Variants in VAMP7 observed in about 807,000 individuals in gnomAD.
VAMP7 encodes vesicle-associated membrane protein 7.
In VAMP7, 14 loss-of-function variants were observed where a neutral mutation model predicts 29.6. The ratio of observed to expected loss-of-function variants is 0.47; its 90% CI spans 0.31 to 0.74. The LOEUF is 0.74. VAMP7 is among the 30% of genes least tolerant of loss of function. The pLI is 0.05. For synonymous variants in VAMP7, 95 were observed against 88.1 expected (o/e 1.08, Z -0.44); for missense variants, 223 against 262.4 (o/e 0.85, Z 1.04).
At chrX:155,919,733 G>C (rs2066367933) in intron 5 of VAMP7, 80 bp from the exon 6 acceptor site, 2 of 1,264,516 alleles carry the variant, frequency 1.6e-6, no homozygotes, top group Non-Finnish European at 1.1e-6. Context: ...TATTCATTAA[G>C]TTATATTACT....
intron 6 of VAMP7, among the ~76,000 whole-genome samples, chrX:155,933,169 T>C (rs763641741): frequency 1.3e-5 from 2 of 152,312 alleles, no homozygotes; most frequent in African/African-American, 4.8e-5. Flanking sequence ...ATTCTCTTTT[T>C]GTGTTGTGTC....
rs11547143 is a variant in VAMP7 at position 155,943,318 on chromosome X, T to C, written c.*1367T>C. On this transcript the variant is annotated 3_prime_UTR_variant, in exon 8 of 8. Coordinates refer to ENST00000286448, the MANE Select transcript of VAMP7 (RefSeq NM_005638.6). ...AGCCTAGTCATGTGCCTTGAACATA[T>C]ATGTGTCCCATAATCTGGCTCATGG... The C allele has an allele frequency of 0.018, 2,761 of 152,346 alleles. 22 individuals are homozygous for C. Among genetic ancestry groups the C allele is most frequent in the Middle Eastern group, 0.037 (11 of 294 alleles). The allele number at this position is 152,346 out of a possible 1,614,324, so 9.4% of individuals were successfully genotyped here.
At chrX:155,940,285 C>G (rs1351579607) in intron 7 of VAMP7, among the ~76,000 whole-genome samples, 1 of 152,058 alleles carries the variant, frequency 6.6e-6, no homozygotes, top group Non-Finnish European at 1.5e-5. Flanking sequence ...TGTTCATGGT[C>G]AGATAAAGTT....
Position 155,943,057 on chromosome X carries a change from CA to C in VAMP7, c.*1110del, listed in dbSNP as rs1489263339. ...GACAGTATGACATATAGAATTAATACAAAACAGTTTAACAACCATTTAACTG... is the reference window on the plus strand; with the variant it reads ...GACAGTATGACATATAGAATTAATACAAACAGTTTAACAACCATTTAACTG... On this transcript the variant is annotated 3_prime_UTR_variant, in exon 8 of 8. Transcript: ENST00000286448. The C allele has an allele frequency of 6.6e-6, 1 of 150,460 alleles. No individual in the cohort carries two copies. The highest frequency in any genetic ancestry group is 2.5e-5 in the African/African-American group (1 of 40,708). 9.3% of individuals were successfully genotyped at this position (150,460 alleles called of 1,614,324 possible). A position where few individuals can be genotyped will look rare whatever the true frequency, so the allele number is the denominator to read the frequency against.
intron 5 of VAMP7, among the ~76,000 whole-genome samples, chrX:155,907,325 G>T (rs770334105): frequency 4.6e-5 from 7 of 151,842 alleles, no homozygotes; most frequent in Admixed American, 4.6e-4. Context: ...TCACAGACGG[G>T]GATTTGGCAG....
chrX:155,931,635 G>A (rs1382591959), intron 6 of VAMP7, among the ~76,000 whole-genome samples: 1 of 152,138 alleles, frequency 6.6e-6, no homozygotes, highest in Non-Finnish European at 1.5e-5. Flanking sequence ...TGAGTAGATT[G>A]CAAAACTTTT....
chrX:155,932,393 G>C (rs2066573875), intron 6 of VAMP7, among the ~76,000 whole-genome samples: 1 of 152,154 alleles, frequency 6.6e-6, no homozygotes, highest in Non-Finnish European at 1.5e-5. Flanking sequence ...CTGAACAGTA[G>C]TTTGTAGTTC....
intron 5 of VAMP7, among the ~76,000 whole-genome samples, chrX:155,910,860 T>G (rs1009708663): frequency 6.6e-6 from 1 of 152,180 alleles, no homozygotes; most frequent in Non-Finnish European, 1.5e-5. Flanking sequence ...ATGAATAGTT[T>G]GCAACTATTT....
intron 5 of VAMP7, among the ~76,000 whole-genome samples, chrX:155,911,746 T>C (rs964860418): frequency 6.6e-6 from 1 of 152,146 alleles, no homozygotes; most frequent in African/African-American, 2.4e-5. Flanking sequence ...TTTCATAAAG[T>C]TTTATTTCAC....
At chrX:155,896,952 A>AAT (rs1003856589) in intron 3 of VAMP7, among the ~76,000 whole-genome samples, 72 of 150,474 alleles carry the variant, frequency 4.8e-4, no homozygotes, top group African/African-American at 1.1e-3. Flanking sequence ...ATTATATTGA[A>AAT]ATATATATAT....
chrX:155,915,187 T>C (rs1164780349), intron 5 of VAMP7, among the ~76,000 whole-genome samples: 1 of 152,168 alleles, frequency 6.6e-6, no homozygotes, highest in African/African-American at 2.4e-5. Context: ...TAGTTTGTAT[T>C]TCTGTGGGAT....
chrX:155,906,082 A>G (rs2066142526), intron 5 of VAMP7, among the ~76,000 whole-genome samples: 1 of 152,058 alleles, frequency 6.6e-6, no homozygotes, highest in Non-Finnish European at 1.5e-5. Flanking sequence ...TGTAGTTTTC[A>G]GTGTGCAAGT....
chrX:155,929,159 T>C (rs2066511993), intron 6 of VAMP7, among the ~76,000 whole-genome samples: 2 of 152,196 alleles, frequency 1.3e-5, no homozygotes, highest in Admixed American at 6.5e-5. Flanking sequence ...ATCTGAGAAG[T>C]TCAACAACTA....
At chrX:155,933,969 T>C (rs1384795816) in intron 6 of VAMP7, among the ~76,000 whole-genome samples, 4 of 152,234 alleles carry the variant, frequency 2.6e-5, no homozygotes, top group African/African-American at 9.6e-5. Context: ...CCAGTAGTCA[T>C]TCAGGAGCAG....
intron 5 of VAMP7, among the ~76,000 whole-genome samples, chrX:155,904,502 A>G (rs922407624): frequency 6.6e-6 from 1 of 152,148 alleles, no homozygotes; most frequent in Non-Finnish European, 1.5e-5. Context: ...AGTGGTTACT[A>G]TATTCACAGA....
chrX:155,927,766 T>C (rs1052896042), intron 6 of VAMP7, among the ~76,000 whole-genome samples: 1 of 19,922 alleles, frequency 5.0e-5, no homozygotes, highest in Admixed American at 4.7e-4. Flanking sequence ...ACAATGGCAG[T>C]TTTTTTTTTT....
intron 2 of VAMP7, among the ~76,000 whole-genome samples, chrX:155,890,307 G>C (rs113744180): frequency 9.3e-4 from 141 of 152,234 alleles, no homozygotes; most frequent in Non-Finnish European, 1.4e-3. Context: ...GCAGTGGAAA[G>C]GCATTGAAGG....
At chrX:155,884,775 A>C (rs1466050964) in intron 1 of VAMP7, among the ~76,000 whole-genome samples, 1 of 152,222 alleles carries the variant, frequency 6.6e-6, no homozygotes, top group Non-Finnish European at 1.5e-5. Context: ...GCAGAATTAA[A>C]AGATTTCTCA....
At chrX:155,889,666 T>C in intron 2 of VAMP7, 54 bp downstream of exon 2, 1 of 1,578,488 alleles carries the variant, frequency 6.3e-7, no homozygotes, top group Non-Finnish European at 8.6e-7. Context: ...TCTGTTACTC[T>C]AATCAGAACG....
Sources: gnomAD v4.1 joint callset for allele counts (sites outside exome capture counted in the v4.1 genomes callset) on GRCh38, gnomAD v4.1.1 for gene constraint, MANE v1.5 for transcripts, NCBI Gene and HGNC (gene_info 2026-07-23, HGNC 2026-07-21) for gene names.